The following UBE2D3 variants were observed in gnomAD, a reference collection of about 807,000 sequenced individuals.
The protein encoded by UBE2D3 is ubiquitin conjugating enzyme E2 D3, also known as ubiquitin-conjugating enzyme E2 D3.
UBE2D3 carries 2 observed loss-of-function variants against 22.8 expected under a neutral mutation model. The observed-to-expected ratio is 0.09, with a 90% CI of 0.04 to 0.28. UBE2D3 has a LOEUF of 0.28. Among genes scored for constraint, UBE2D3 ranks in the 10% least tolerant of loss-of-function variants. UBE2D3 has a pLI of 1.00. For synonymous variants in UBE2D3, 56 were observed against 60.4 expected (o/e 0.93, Z 0.34); for missense variants, 27 against 182.5 (o/e 0.15, Z 4.91).
intron 4 of UBE2D3, among the ~76,000 whole-genome samples, chr4:102,802,959 T>C (rs72939673): frequency 1.7e-3 from 264 of 152,314 alleles, no homozygotes; most frequent in African/African-American, 6.1e-3. Flanking sequence ...TGTTTCAGAA[T>C]AATCTGTAAA....
At chr4:102,809,580 A>G in intron 4 of UBE2D3, 92 bp downstream of exon 4, 1 of 1,293,686 alleles carries the variant, frequency 7.7e-7, no homozygotes, top group Non-Finnish European at 1.1e-6. Flanking sequence ...TAACTATATG[A>G]TAAAATAAAC....
intron 1 of UBE2D3, among the ~76,000 whole-genome samples, chr4:102,851,913 A>C (rs1287542803): frequency 1.3e-5 from 2 of 151,756 alleles, no homozygotes. Flanking sequence ...CAGGTGATCC[A>C]CCCACCTCAG....
rs548594064 is a variant in UBE2D3, at chr4:102,849,000, A to G, written c.-129+19715T>C. The stretch of plus-strand genomic sequence containing the variant: ...ATCTCAAAATCTTACTTAAGGGTCC[A>G]TTTCCTGTAATAACTTCTGTTGCAA... On this transcript the variant is annotated intron_variant, in intron 1 of 7. Transcript: ENST00000338145. 2.0e-5 allele frequency among the ~76,000 whole-genome samples: 3 copies of G among 150,630 alleles called. No individual in the cohort carries two copies. In the East Asian group the frequency reaches 5.9e-4, roughly 29 times the overall value.
intron 7 of UBE2D3, among the ~76,000 whole-genome samples, chr4:102,798,136 G>C (rs916409321): frequency 6.6e-6 from 1 of 151,344 alleles, no homozygotes; most frequent in South Asian, 2.1e-4. Context: ...CGTTTAAAAA[G>C]ATCAACAGGT....
chr4:102,851,533 A>G (rs1732348911), intron 1 of UBE2D3, among the ~76,000 whole-genome samples: 1 of 152,242 alleles, frequency 6.6e-6, no homozygotes, highest in African/African-American at 2.4e-5. Context: ...AATTTGTAGG[A>G]AACAGAGTCC....
At chr4:102,842,927 TGGTGAAACCCCGTCTCTACTAA>T (rs1204400239) in intron 1 of UBE2D3, among the ~76,000 whole-genome samples, 6 of 33,600 alleles carry the variant, frequency 1.8e-4, no homozygotes, top group African/African-American at 1.1e-3. Flanking sequence ...CTGGCCAACG[TGGTGAAACCCCGTCTCTACTAA>T]AAATACAAAA....
In UBE2D3 at chr4:102,797,296, ATAAAAT is replaced by A; in HGVS notation, c.*113_*118del. 1.2e-6 allele frequency: 1 copy of A among 837,386 alleles called. No homozygotes were observed. Among genetic ancestry groups the A allele is most frequent in the African/African-American group, 1.7e-5 (1 of 57,912 alleles). 51.9% of individuals were successfully genotyped at this position (837,386 alleles called of 1,614,324 possible). A position where few individuals can be genotyped will look rare whatever the true frequency, so the allele number is the denominator to read the frequency against. ...ATGAATGGAGGGAGGTAAACAAAAA[ATAAAAT>A]TAAAAAAGATGAGGTCTGATAGGGG... On this transcript the variant is annotated 3_prime_UTR_variant, in exon 8 of 8. Coordinates refer to ENST00000453744, the MANE Select transcript of UBE2D3 (RefSeq NM_181891.3).
intron 2 of UBE2D3, among the ~76,000 whole-genome samples, chr4:102,822,771 T>TAAAA (rs1252707464): frequency 5.3e-5 from 8 of 151,574 alleles, no homozygotes; most frequent in East Asian, 3.9e-4. Context: ...CTGCCTCTAC[T>TAAAA]AAAAAAACAA....
At chr4:102,824,057 T>G (rs1381236231) in intron 2 of UBE2D3, among the ~76,000 whole-genome samples, 1 of 152,194 alleles carries the variant, frequency 6.6e-6, no homozygotes, top group African/African-American at 2.4e-5. Flanking sequence ...AATTGTTGGA[T>G]GTGGAATGTT....
At chr4:102,819,666 G>T in intron 2 of UBE2D3, 1 of 866,802 alleles carries the variant, frequency 1.2e-6, no homozygotes, top group Non-Finnish European at 1.4e-6. Flanking sequence ...GCAAGGCCAA[G>T]TTCATGGATT....
intron 7 of UBE2D3, chr4:102,798,927 C>T (rs938810062): frequency 6.2e-7 from 1 of 1,611,762 alleles, no homozygotes; most frequent in Non-Finnish European, 8.5e-7. Context: ...GATCCTCTTA[C>T]CCTACAACAT....
Position 102,797,088 on chromosome 4 carries a change from A to T in UBE2D3, c.*327T>A, listed in dbSNP as rs1474338310. 1.4e-5 allele frequency: 3 copies of T among 207,454 alleles called. No individual in the cohort carries two copies. The highest frequency in any genetic ancestry group is 5.5e-5 in the Admixed American group (1 of 18,268). 12.9% of individuals were successfully genotyped at this position (207,454 alleles called of 1,614,324 possible). Reference sequence around the variant, plus strand: ...TCTTCAGCATGTTAGAGCAGTGAGGAATGGTTTTAGTCTCATAACCAAGTT... The same window carrying T: ...TCTTCAGCATGTTAGAGCAGTGAGGTATGGTTTTAGTCTCATAACCAAGTT... On this transcript the variant is annotated 3_prime_UTR_variant, in exon 8 of 8. Transcript: ENST00000453744.
At chr4:102,836,577 T>C (rs1333015274) in intron 1 of UBE2D3, among the ~76,000 whole-genome samples, 1 of 152,228 alleles carries the variant, frequency 6.6e-6, no homozygotes, top group Non-Finnish European at 1.5e-5. Flanking sequence ...ATGGTAGATA[T>C]GTGTTTAACT....
rs181485018 is a variant in UBE2D3, at chr4:102,826,458, C to T, written c.24+27G>A. On this transcript the variant is annotated intron_variant, in intron 2 of 7. Coordinates refer to ENST00000453744, the MANE Select transcript of UBE2D3 (RefSeq NM_181891.3). Reference sequence around the variant, plus strand: ...CCCGAGCCTTCCTTTTCTCCTACCACCCCATGCCCTTGTCCCCGCGGGTTA... The same window carrying T: ...CCCGAGCCTTCCTTTTCTCCTACCATCCCATGCCCTTGTCCCCGCGGGTTA... 285 of 1,613,872 alleles carry T rather than the reference C, an allele frequency of 1.8e-4. 1 individual carries two copies. The East Asian group carries it at 4.8e-3, about 27-fold the overall frequency.
At chr4:102,804,758 T>C (rs185776679) in intron 4 of UBE2D3, among the ~76,000 whole-genome samples, 1 of 152,060 alleles carries the variant, frequency 6.6e-6, no homozygotes, top group Non-Finnish European at 1.5e-5. Context: ...ACTGCAACCC[T>C]CTGCCTCCTG....
At chr4:102,812,975 A>G (rs928510368) in intron 2 of UBE2D3, 1 of 152,200 alleles carries the variant, frequency 6.6e-6, no homozygotes, top group Admixed American at 6.5e-5. Context: ...ATTAAGTAAG[A>G]CTATTAGAGA....
chr4:102,853,132 C>T (rs1047541220), intron 1 of UBE2D3, among the ~76,000 whole-genome samples: 4 of 109,716 alleles, frequency 3.6e-5, no homozygotes, highest in African/African-American at 1.7e-4. Flanking sequence ...CACAAACACA[C>T]ACATTTTTTT....
intron 2 of UBE2D3, chr4:102,812,536 T>C (rs1249507980): frequency 6.6e-6 from 1 of 152,214 alleles, no homozygotes; most frequent in African/African-American, 2.4e-5. Context: ...AATCATTGAA[T>C]AGATAGCTTG....
At chr4:102,809,507 T>TGAG in intron 4 of UBE2D3, 165 bp downstream of exon 4, 1 of 742,596 alleles carries the variant, frequency 1.3e-6, no homozygotes, top group Non-Finnish European at 2.2e-6. Flanking sequence ...ACGTAACAAA[T>TGAG]GACTAACTCA....
Sources: allele counts gnomAD v4.1 joint callset (sites outside exome capture counted in the v4.1 genomes callset), GRCh38; gene constraint gnomAD v4.1.1; transcripts MANE v1.5; gene names NCBI Gene and HGNC (gene_info 2026-07-23, HGNC 2026-07-21).